CNTN5: variants seen among roughly 807,000 people sequenced by gnomAD.
The protein encoded by CNTN5 is contactin 5.
In CNTN5, 77 loss-of-function variants were observed where a neutral mutation model predicts 129.1. The observed-to-expected ratio is 0.60, with a 90% CI of 0.50 to 0.72. The LOEUF (loss-of-function observed/expected upper bound fraction) is 0.72, where lower values mean the gene tolerates loss of function less well. Among genes scored for constraint, CNTN5 ranks in the 30% least tolerant of loss-of-function variants. The probability of loss-of-function intolerance (pLI) is 0.00; values close to 1 mark genes in which losing one functional copy is unlikely to be tolerated. For synonymous variants in CNTN5, 509 were observed against 465.6 expected (o/e 1.09, Z -1.20); for missense variants, 1,478 against 1,328.8 (o/e 1.11, Z -1.75).
chr11:99,579,346 G>GT (rs1949486690), intron 3 of CNTN5, among the ~76,000 whole-genome samples: 3 of 151,512 alleles, frequency 2.0e-5, no homozygotes, highest in African/African-American at 4.8e-5. Flanking sequence ...CTTTAAAGTA[G>GT]TTTTTTCCAA....
chr11:100,147,638 T>TTGTG (rs373305273), intron 13 of CNTN5, among the ~76,000 whole-genome samples: 2 of 151,316 alleles, frequency 1.3e-5, no homozygotes, highest in African/African-American at 2.4e-5. Flanking sequence ...ATGCGTGTAT[T>TTGTG]TGTGTGTGTG....
chr11:99,181,865 G>A (rs1171328453), intron 1 of CNTN5, among the ~76,000 whole-genome samples: 1 of 152,064 alleles, frequency 6.6e-6, no homozygotes, highest in Non-Finnish European at 1.5e-5. Context: ...TTTCCTTGGG[G>A]GTTAATTGTT....
At chr11:99,280,717 C>T (rs991005398) in intron 1 of CNTN5, among the ~76,000 whole-genome samples, 1 of 151,748 alleles carries the variant, frequency 6.6e-6, no homozygotes, top group African/African-American at 2.4e-5. Context: ...GCCCCAAAGA[C>T]TTTTCATATA....
At chr11:99,967,705 G>C (rs1021273956) in intron 8 of CNTN5, among the ~76,000 whole-genome samples, 1 of 152,132 alleles carries the variant, frequency 6.6e-6, no homozygotes, top group African/African-American at 2.4e-5. Flanking sequence ...ATTTTTCCGA[G>C]CCGTAATTCC....
intron 3 of CNTN5, among the ~76,000 whole-genome samples, chr11:99,818,319 G>C (rs1319419338): frequency 6.6e-6 from 1 of 151,440 alleles, no homozygotes; most frequent in Non-Finnish European, 1.5e-5. Context: ...ACAGTGGCAT[G>C]ATCGCAGCTC....
chr11:100,081,514 A>G (rs988685329), intron 13 of CNTN5, among the ~76,000 whole-genome samples: 1 of 152,144 alleles, frequency 6.6e-6, no homozygotes, highest in African/African-American at 2.4e-5. Flanking sequence ...GTAAGATGCT[A>G]TGTCCGTATT....
At chr11:99,781,598 G>A (rs1001414594) in intron 3 of CNTN5, among the ~76,000 whole-genome samples, 23 of 152,036 alleles carry the variant, frequency 1.5e-4, no homozygotes, top group African/African-American at 4.6e-4. Flanking sequence ...GCAAGTTCTT[G>A]TAATCTTACT....
intron 8 of CNTN5, among the ~76,000 whole-genome samples, chr11:99,980,233 G>A (rs1938247359): frequency 6.6e-6 from 1 of 152,112 alleles, no homozygotes; most frequent in Admixed American, 6.5e-5. Flanking sequence ...CCAATTACCA[G>A]CTATATTTTA....
chr11:99,715,906 T>G (rs1188816000), intron 3 of CNTN5, among the ~76,000 whole-genome samples: 1 of 152,020 alleles, frequency 6.6e-6, no homozygotes, highest in Non-Finnish European at 1.5e-5. Context: ...TTCCATATAT[T>G]ATTTTTATGT....
chr11:99,082,063 A>G lies in CNTN5; in HGVS notation c.-210+60793A>G, dbSNP rs1464838254. Among the ~76,000 whole-genome samples the G allele has an allele frequency of 2.6e-5, 4 of 152,304 alleles. No homozygotes were observed. In the East Asian group the frequency reaches 5.8e-4, roughly 22 times the overall value. ...TCATTTCTGTATGTAGATGCTTAGC[A>G]AGTCTCTGTGATGTATTATGGTGGA... On this transcript the variant is annotated intron_variant, in intron 1 of 24. Transcript: ENST00000524871.
chr11:100,334,182 C>A (rs1951974898), intron 21 of CNTN5, among the ~76,000 whole-genome samples: 1 of 152,110 alleles, frequency 6.6e-6, no homozygotes, highest in Admixed American at 6.5e-5. Flanking sequence ...TGGAAAAATG[C>A]TCAACATCAC....
intron 13 of CNTN5, among the ~76,000 whole-genome samples, chr11:100,097,824 T>A (rs1269281255): frequency 6.6e-6 from 1 of 152,132 alleles, no homozygotes; most frequent in Admixed American, 6.6e-5. Flanking sequence ...TTTCATGGAA[T>A]GAGACAGAAT....
chr11:100,093,676 T>A (rs1410959343), intron 13 of CNTN5, among the ~76,000 whole-genome samples: 2 of 152,118 alleles, frequency 1.3e-5, no homozygotes, highest in Non-Finnish European at 2.9e-5. Flanking sequence ...CTGTACAACC[T>A]GACTTGAGTT....
At chr11:100,251,658 A>G (rs1949965934) in intron 16 of CNTN5, among the ~76,000 whole-genome samples, 1 of 152,032 alleles carries the variant, frequency 6.6e-6, no homozygotes, top group Non-Finnish European at 1.5e-5. Flanking sequence ...CATATAAGTG[A>G]GAACATGTGG....
At chr11:99,083,200 C>T (rs1394505194) in intron 1 of CNTN5, among the ~76,000 whole-genome samples, 1 of 152,040 alleles carries the variant, frequency 6.6e-6, no homozygotes, top group Non-Finnish European at 1.5e-5. Flanking sequence ...ATTATTCTTC[C>T]TTCTCCCATC....
At chr11:99,706,985 G>T (rs1038237565) in intron 3 of CNTN5, among the ~76,000 whole-genome samples, 1 of 151,060 alleles carries the variant, frequency 6.6e-6, no homozygotes, top group South Asian at 2.1e-4. Flanking sequence ...TTCCCACCAG[G>T]CAGGATCACA....
chr11:99,089,381 G>A (rs1866141223), intron 1 of CNTN5, among the ~76,000 whole-genome samples: 1 of 152,178 alleles, frequency 6.6e-6, no homozygotes, highest in East Asian at 1.9e-4. Context: ...ACTTTATATA[G>A]ATCAACTATT....
chr11:100,048,166 T>G (rs1353062459), intron 9 of CNTN5, among the ~76,000 whole-genome samples: 1 of 152,094 alleles, frequency 6.6e-6, no homozygotes, highest in Non-Finnish European at 1.5e-5. Context: ...ATTTGCACTC[T>G]TTTCTGGAGC....
At position 100,279,910 on chromosome 11, in the gene CNTN5, CTT is replaced by C. The variant is rs58391412; in HGVS notation, c.2314+8684_2314+8685del. On this transcript the variant is annotated intron_variant, in intron 18 of 24. Coordinates refer to ENST00000524871, the MANE Select transcript of CNTN5 (RefSeq NM_014361.4). ...TTGTTTATTTGAAGTTTTTCTTTTT[CTT>C]TTTTTTTTTTTTTTAATGATTTAGG... is the stretch of plus-strand genomic sequence containing the variant. 6.5e-3 allele frequency among the ~76,000 whole-genome samples: 744 copies of C among 114,658 alleles called. 3 individuals are homozygous for C. Among genetic ancestry groups the C allele is most frequent in the Middle Eastern group, 9.8e-3 (2 of 204 alleles). 75.2% of individuals were successfully genotyped at this position (114,658 alleles called of 152,430 possible).
Sources: gnomAD v4.1 joint callset for allele counts (sites outside exome capture counted in the v4.1 genomes callset) on GRCh38, gnomAD v4.1.1 for gene constraint, MANE v1.5 for transcripts, NCBI Gene and HGNC (gene_info 2026-07-23, HGNC 2026-07-21) for gene names.